Variants in FAM83F observed in about 807,000 individuals in gnomAD.
The protein encoded by FAM83F is scaffolding CK1 anchoring protein F.
FAM83F carries 45 observed loss-of-function variants against 42.9 expected under a neutral mutation model. That is an observed-to-expected ratio of 1.05 (90% CI 0.83 to 1.35). FAM83F has a LOEUF of 1.35. Among genes scored for constraint, FAM83F ranks in the 40% most tolerant of loss-of-function variants. The probability of loss-of-function intolerance (pLI) is 0.00; values close to 1 mark genes in which losing one functional copy is unlikely to be tolerated. For synonymous variants in FAM83F, 306 were observed against 298.3 expected (o/e 1.03, Z -0.27); for missense variants, 617 against 695.9 (o/e 0.89, Z 1.28).
rs908262692 is a variant in FAM83F at position 40,008,560 on chromosome 22, A to G, written c.490-10608A>G. Among the ~76,000 whole-genome samples the G allele has an allele frequency of 3.3e-5, 5 of 152,118 alleles. No homozygotes were observed. In the South Asian group the frequency reaches 8.3e-4, roughly 25 times the overall value. On this transcript the variant is annotated intron_variant, in intron 1 of 4. Coordinates refer to ENST00000333407, the MANE Select transcript of FAM83F (RefSeq NM_138435.4). ...GTGTGACTTTCTGCTTCCAGACCAT[A>G]TATTATCCTGCACGCAGCAGCCTTC...
intron 1 of FAM83F, among the ~76,000 whole-genome samples, chr22:40,003,032 C>T (rs535846096): frequency 3.9e-5 from 6 of 152,304 alleles, no homozygotes; most frequent in Admixed American, 3.3e-4. Flanking sequence ...GAATTGTCCT[C>T]TGGGGCCATC....
rs2067599387 is a variant in FAM83F at position 40,033,008 on chromosome 22, C to T, written c.*3443C>T. On this transcript the variant is annotated 3_prime_UTR_variant, in exon 5 of 5. Coordinates refer to ENST00000333407, the MANE Select transcript of FAM83F (RefSeq NM_138435.4). ...AACTAAGAAAAGCTCAACAAAGAGCCCTTTAGAAAGGTAACAGTTTTCCTG... is the reference window on the plus strand; with the variant it reads ...AACTAAGAAAAGCTCAACAAAGAGCTCTTTAGAAAGGTAACAGTTTTCCTG... 1 of 152,094 alleles carries T rather than the reference C, an allele frequency of 6.6e-6. No homozygotes were observed. Among genetic ancestry groups the T allele is most frequent in the Non-Finnish European group, 1.5e-5 (1 of 68,036 alleles). The allele number at this position is 152,094 out of a possible 1,614,324, so 9.4% of individuals were successfully genotyped here.
At chr22:40,020,509 CCT>C (rs2067513910) in intron 3 of FAM83F, among the ~76,000 whole-genome samples, 1 of 151,818 alleles carries the variant, frequency 6.6e-6, no homozygotes. Context: ...ATTACAGGTG[CCT>C]ACCACCATGC....
rs1040219617 is a variant in FAM83F at position 40,043,010 on chromosome 22, C to T, written c.*13445C>T. On this transcript the variant is annotated 3_prime_UTR_variant, in exon 5 of 5. Coordinates refer to ENST00000333407, the MANE Select transcript of FAM83F (RefSeq NM_138435.4). ...ACAACCTATATTAGAATTTGACGCA[C>T]GATCTTTCTTCTGTCCTTCTTGCAG... 27 of 152,156 alleles carry T rather than the reference C, an allele frequency of 1.8e-4. No homozygotes were observed. The highest frequency in any genetic ancestry group is 1.6e-3 in the Admixed American group (24 of 15,280). 9.4% of individuals were successfully genotyped at this position (152,156 alleles called of 1,614,324 possible).
At position 40,039,974 on chromosome 22, in the gene FAM83F, C is replaced by G. The variant is rs532967593; in HGVS notation, c.*10409C>G. 1 of 152,200 alleles carries G rather than the reference C, an allele frequency of 6.6e-6. No homozygotes were observed. Among genetic ancestry groups the G allele is most frequent in the East Asian group, 1.9e-4 (1 of 5,172 alleles). The allele number at this position is 152,200 out of a possible 1,614,324, so 9.4% of individuals were successfully genotyped here. A position where few individuals can be genotyped will look rare whatever the true frequency, so the allele number is the denominator to read the frequency against. On this transcript the variant is annotated 3_prime_UTR_variant, in exon 5 of 5. Coordinates refer to ENST00000333407, the MANE Select transcript of FAM83F (RefSeq NM_138435.4). Reference sequence around the variant, plus strand: ...CCTGGTGGTGGAGATGGCCGCAGGCCATTATTTAAAAAGCTAGGATAAGAA... The same window carrying G: ...CCTGGTGGTGGAGATGGCCGCAGGCGATTATTTAAAAAGCTAGGATAAGAA...
At chr22:40,009,823 C>T (rs1343462498) in intron 1 of FAM83F, 3 of 152,224 alleles carry the variant, frequency 2.0e-5, no homozygotes, top group Non-Finnish European at 2.9e-5. Context: ...GTGGAGCCCT[C>T]TTGTCGTTTT....
intron 1 of FAM83F, among the ~76,000 whole-genome samples, chr22:40,007,810 A>G (rs1307038669): frequency 1.3e-5 from 2 of 152,122 alleles, no homozygotes; most frequent in Admixed American, 6.5e-5. Context: ...CTCTACTGGC[A>G]TAAACATTGG....
chr22:40,004,727 C>T (rs182618063), intron 1 of FAM83F, among the ~76,000 whole-genome samples: 107 of 152,310 alleles, frequency 7.0e-4, no homozygotes, highest in African/African-American at 2.1e-3. Flanking sequence ...CGTGAGCCAC[C>T]GCGCCTAGCC....
chr22:40,043,310 G>A lies in FAM83F; in HGVS notation c.*13745G>A, dbSNP rs961562996. ...GCTAGAGTCCAGCGTTGTGCTCCTG[G>A]AGATCATTTCGGTCGCAAAAGCTCA... is the stretch of plus-strand genomic sequence containing the variant. On this transcript the variant is annotated 3_prime_UTR_variant, in exon 5 of 5. Coordinates refer to ENST00000333407, the MANE Select transcript of FAM83F (RefSeq NM_138435.4). The A allele has an allele frequency of 6.6e-6, 1 of 152,162 alleles. No homozygotes were observed. Among genetic ancestry groups the A allele is most frequent in the African/African-American group, 2.4e-5 (1 of 41,424 alleles). 9.4% of individuals were successfully genotyped at this position (152,162 alleles called of 1,614,324 possible).
Position 39,995,606 on chromosome 22 carries a change from C to CA in FAM83F, c.489+76dup. ...CCTGGACCGGGCCCCACCTCCCAGG[C>CA]AGGGCCCGGGGCAGGCCGCCCTGAG... is the stretch of plus-strand genomic sequence containing the variant. On this transcript the variant is annotated intron_variant, in intron 1 of 4. Coordinates refer to ENST00000333407, the MANE Select transcript of FAM83F (RefSeq NM_138435.4). The surrounding 1 kb of genome is among the most constrained non-coding windows in gnomAD (Gnocchi z 4.6). 1 of 1,452,556 alleles carries CA rather than the reference C, an allele frequency of 6.9e-7. No individual in the cohort carries two copies. Among genetic ancestry groups the CA allele is most frequent in the Non-Finnish European group, 9.1e-7 (1 of 1,101,176 alleles). The allele number at this position is 1,452,556 out of a possible 1,614,324, so 90.0% of individuals were successfully genotyped here.
At chr22:40,001,411 G>A (rs1385735122) in intron 1 of FAM83F, among the ~76,000 whole-genome samples, 1 of 152,168 alleles carries the variant, frequency 6.6e-6, no homozygotes, top group East Asian at 1.9e-4. Flanking sequence ...GGCCGAGGCG[G>A]GCAGATCGCT....
intron 4 of FAM83F, among the ~76,000 whole-genome samples, chr22:40,024,941 C>T (rs749575142): frequency 4.6e-5 from 7 of 152,166 alleles, no homozygotes; most frequent in Non-Finnish European, 8.8e-5. Flanking sequence ...GGGTGCCCAG[C>T]GGTTTCAAGG....
At chr22:40,029,052 G>C (rs2067571381) in intron 4 of FAM83F, among the ~76,000 whole-genome samples, 1 of 150,814 alleles carries the variant, frequency 6.6e-6, no homozygotes, top group South Asian at 2.1e-4. Context: ...GCATGTACTA[G>C]CTGGTAGTGA....
At chr22:40,016,359 T>C (rs773910312) in intron 1 of FAM83F, among the ~76,000 whole-genome samples, 15 of 151,878 alleles carry the variant, frequency 9.9e-5, no homozygotes, top group Admixed American at 2.6e-4. Context: ...TGTGCCACCA[T>C]GCCTAGCTAA....
chr22:40,028,826 C>A (rs1005170484), intron 4 of FAM83F, among the ~76,000 whole-genome samples: 7 of 152,196 alleles, frequency 4.6e-5, no homozygotes, highest in Admixed American at 6.5e-5. Context: ...GGTGGCAGCT[C>A]TTGGCCAGCG....
At position 40,042,935 on chromosome 22, in the gene FAM83F, G is replaced by C. The variant is rs918909494; in HGVS notation, c.*13370G>C. 2.6e-5 allele frequency: 4 copies of C among 152,122 alleles called. No homozygotes were observed. Among genetic ancestry groups the C allele is most frequent in the Non-Finnish European group, 5.9e-5 (4 of 68,022 alleles). 9.4% of individuals were successfully genotyped at this position (152,122 alleles called of 1,614,324 possible). A position where few individuals can be genotyped will look rare whatever the true frequency, so the allele number is the denominator to read the frequency against. ...TTTTTGAGTTCAGAATCCCCATACT[G>C]GAAGGCTAATATGGGGTATGTGCAT... On this transcript the variant is annotated 3_prime_UTR_variant, in exon 5 of 5. Transcript: ENST00000333407.
intron 1 of FAM83F, among the ~76,000 whole-genome samples, chr22:40,008,518 T>G (rs1356091476): frequency 6.6e-6 from 1 of 152,176 alleles, no homozygotes; most frequent in Non-Finnish European, 1.5e-5. Context: ...GATGACTCAC[T>G]CCAAGCCAAA....
chr22:40,012,381 C>T (rs897429071), intron 1 of FAM83F, among the ~76,000 whole-genome samples: 4 of 151,952 alleles, frequency 2.6e-5, no homozygotes, highest in Admixed American at 6.6e-5. Flanking sequence ...GTGATCCATC[C>T]GCCTTGGCCT....
In FAM83F at chr22:40,036,798, A is replaced by T. The variant is rs1256520502; in HGVS notation, c.*7233A>T. ...ACTTGGAGAAGCCCACGCGGCTGGC[A>T]GCATCATGGTGAGAGGCTGACACCT... On this transcript the variant is annotated 3_prime_UTR_variant, in exon 5 of 5. Coordinates refer to ENST00000333407, the MANE Select transcript of FAM83F (RefSeq NM_138435.4). 6.6e-6 allele frequency: 1 copy of T among 152,330 alleles called. No individual in the cohort carries two copies. The highest frequency in any genetic ancestry group is 1.5e-5 in the Non-Finnish European group (1 of 68,146). The allele number at this position is 152,330 out of a possible 1,614,324, so 9.4% of individuals were successfully genotyped here.
Sources: allele counts gnomAD v4.1 joint callset (sites outside exome capture counted in the v4.1 genomes callset), GRCh38; gene constraint gnomAD v4.1.1; non-coding constraint Gnocchi (gnomAD v3.1); transcripts MANE v1.5; gene names NCBI Gene and HGNC (gene_info 2026-07-23, HGNC 2026-07-21).